Variants in POLR2F observed in about 807,000 individuals in gnomAD.
The protein encoded by POLR2F is DNA-directed RNA polymerases I, II, and III subunit RPABC2.
A neutral mutation model predicts 22.7 loss-of-function variants in POLR2F; 12 were observed. That is an observed-to-expected ratio of 0.53 (90% CI 0.34 to 0.86). The LOEUF (loss-of-function observed/expected upper bound fraction) is 0.86. POLR2F is among the 40% of genes least tolerant of loss of function. POLR2F has a pLI of 0.02. For missense variants in POLR2F, 126 were observed against 171.5 expected (o/e 0.73, Z 1.48); for synonymous variants, 57 against 66.0 (o/e 0.86, Z 0.66).
chr22:37,954,256 G>T (rs373599446), intron 1 of POLR2F, among the ~76,000 whole-genome samples: 1 of 151,992 alleles, frequency 6.6e-6, no homozygotes, highest in Admixed American at 6.6e-5. Context: ...GTCTGGGGCA[G>T]CTCCACCGGG....
chr22:38,009,745 A>G (rs2084855302), intron 1 of POLR2F, among the ~76,000 whole-genome samples: 1 of 151,960 alleles, frequency 6.6e-6, no homozygotes, highest in South Asian at 2.1e-4. Context: ...CTAGAATTTT[A>G]TCTAAATGGA....
At chr22:38,003,427 A>G (rs2084792616) in intron 1 of POLR2F, among the ~76,000 whole-genome samples, 1 of 152,142 alleles carries the variant, frequency 6.6e-6, no homozygotes, top group African/African-American at 2.4e-5. Flanking sequence ...GGGTTTCACC[A>G]AGTTGGCCAG....
At chr22:38,012,946 G>A (rs920523056) in intron 1 of POLR2F, among the ~76,000 whole-genome samples, 1 of 152,132 alleles carries the variant, frequency 6.6e-6, no homozygotes, top group African/African-American at 2.4e-5. Flanking sequence ...TGTAAAAACA[G>A]CTGTCTTCAT....
chr22:38,041,266 G>A (rs2085169752), downstream of POLR2F: 2 of 1,113,542 alleles, frequency 1.8e-6, no homozygotes, highest in South Asian at 3.0e-5. Flanking sequence ...CAGGGGGAGG[G>A]AGGTTTCCAG....
intron 4 of POLR2F, among the ~76,000 whole-genome samples, chr22:37,975,474 A>ATG (rs138654432): frequency 7.3e-5 from 11 of 151,682 alleles, no homozygotes; most frequent in African/African-American, 2.2e-4. Context: ...GGGTCTCCTG[A>ATG]TGTGTGTGTG....
intron 1 of POLR2F, among the ~76,000 whole-genome samples, chr22:38,004,063 G>A (rs892162908): frequency 1.4e-4 from 21 of 152,222 alleles, no homozygotes; most frequent in African/African-American, 4.6e-4. Context: ...GACATAGCTC[G>A]TTGCAGCCTC....
chr22:37,955,476 T>C lies in POLR2F; in HGVS notation c.21-1297T>C, dbSNP rs1931352060. Among the ~76,000 whole-genome samples, 6 of 149,734 alleles carry C rather than the reference T, an allele frequency of 4.0e-5. No homozygotes were observed. In the South Asian group the frequency reaches 1.3e-3, roughly 32 times the overall value. On this transcript the variant is annotated intron_variant, in intron 1 of 4. Transcript: ENST00000442738. The stretch of plus-strand genomic sequence containing the variant: ...ATTGCTTGAACCCAGGAGGCAGAGG[T>C]TGCAGTGAGCCAAGATCACGCCATT...
At chr22:38,035,538 G>A (rs1435973754) in intron 5 of POLR2F, among the ~76,000 whole-genome samples, 1 of 152,134 alleles carries the variant, frequency 6.6e-6, no homozygotes, top group Non-Finnish European at 1.5e-5. Context: ...TATCCTGCTC[G>A]TGTCCTCGGG....
At chr22:38,027,480 A>G (rs992850446), downstream of POLR2F, among the ~76,000 whole-genome samples, 2 of 152,008 alleles carry the variant, frequency 1.3e-5, no homozygotes, top group African/African-American at 4.8e-5. Flanking sequence ...CTCCTTGGCC[A>G]CAGTTCACTG....
intron 1 of POLR2F, among the ~76,000 whole-genome samples, chr22:38,020,268 T>A (rs1191928155): frequency 6.6e-6 from 1 of 151,256 alleles, no homozygotes; most frequent in African/African-American, 2.4e-5. Context: ...TATACATATT[T>A]AAAAAAAATT....
At chr22:38,028,514 G>A (rs2085035332), downstream of POLR2F, among the ~76,000 whole-genome samples, 1 of 151,886 alleles carries the variant, frequency 6.6e-6, no homozygotes, top group Non-Finnish European at 1.5e-5. Context: ...GTGTGCGTAC[G>A]TGTGTGTGCA....
At chr22:38,004,280 G>A (rs2145802715) in intron 1 of POLR2F, among the ~76,000 whole-genome samples, 1 of 152,204 alleles carries the variant, frequency 6.6e-6, no homozygotes, top group African/African-American at 2.4e-5. Flanking sequence ...ACCACACCTG[G>A]CCAGGGGCTG....
chr22:38,009,105 G>A (rs973417609), intron 1 of POLR2F, among the ~76,000 whole-genome samples: 23 of 152,188 alleles, frequency 1.5e-4, no homozygotes, highest in African/African-American at 5.5e-4. Flanking sequence ...AGGTGGGAGC[G>A]TGGCCGGAGC....
downstream of POLR2F, among the ~76,000 whole-genome samples, chr22:37,969,722 T>G (rs979812262): frequency 6.6e-6 from 1 of 152,212 alleles, no homozygotes. Context: ...TAGTACTGAT[T>G]GATCCATGAC....
Position 37,997,469 on chromosome 22 carries a change from G to A in POLR2F, c.120+11157G>A, listed in dbSNP as rs1023756468. Among the ~76,000 whole-genome samples, 6 of 151,718 alleles carry A rather than the reference G, an allele frequency of 4.0e-5. No individual in the cohort carries two copies. The highest frequency in any genetic ancestry group is 1.2e-4 in the African/African-American group (5 of 41,274). ...CTCCCTGTTTTTCTCTCCCTGATGC[G>A]TTCTCTCTGTCCCTCCCTCCATGAA... On this transcript the variant is annotated intron_variant, in intron 1 of 2. Coordinates refer to the POLR2F transcript ENST00000333418. The surrounding 1 kb of genome is among the most constrained non-coding windows in gnomAD (Gnocchi z 4.4).
downstream of POLR2F, chr22:37,973,185 CCCTTCTCAGGT>C (rs1932110426): frequency 2.9e-6 from 1 of 349,588 alleles, no homozygotes; most frequent in African/African-American, 2.1e-5. Flanking sequence ...GGTGAGCAGG[CCCTTCTCAGGT>C]CCTGGGATAG....
chr22:37,990,626 C>T (rs370530775), intron 1 of POLR2F, among the ~76,000 whole-genome samples: 15 of 152,284 alleles, frequency 9.9e-5, no homozygotes, highest in South Asian at 8.3e-4. Flanking sequence ...TGGGAGAGAC[C>T]GATGTAGAAA....
chr22:37,978,338 G>C lies in POLR2F; in HGVS notation c.293+11168G>C, dbSNP rs1041034448. Among the ~76,000 whole-genome samples the C allele has an allele frequency of 1.3e-5, 2 of 152,270 alleles. No homozygotes were observed. The highest frequency in any genetic ancestry group is 2.9e-5 in the Non-Finnish European group (2 of 68,048). ...TGAGGCCCAAGGAATAACAGCCTCAGAGGGCTGCCCCCAAATCTTTCATGG... is the reference window on the plus strand; with the variant it reads ...TGAGGCCCAAGGAATAACAGCCTCACAGGGCTGCCCCCAAATCTTTCATGG... On this transcript the variant is annotated intron_variant, in intron 4 of 4. Transcript: ENST00000405557. The surrounding 1 kb of genome is among the most constrained non-coding windows in gnomAD (Gnocchi z 5.0).
At chr22:37,983,650 G>T, upstream of POLR2F, 1 of 1,596,228 alleles carries the variant, frequency 6.3e-7, no homozygotes, top group Non-Finnish European at 8.5e-7. This position sits in a 1 kb window ranked among gnomAD's most constrained non-coding sequence, Gnocchi z 9.5. Flanking sequence ...CTGGCCCCGG[G>T]CTGGCTCGCA....
Sources: allele counts gnomAD v4.1 joint callset (sites outside exome capture counted in the v4.1 genomes callset), GRCh38; gene constraint gnomAD v4.1.1; non-coding constraint Gnocchi (gnomAD v3.1); transcripts MANE v1.5; gene names NCBI Gene and HGNC (gene_info 2026-07-23, HGNC 2026-07-21).